YIPF4: variants seen among roughly 807,000 people sequenced by gnomAD.
YIPF4 encodes protein YIPF4.
A neutral mutation model predicts 29.4 loss-of-function variants in YIPF4; 18 were observed. The ratio of observed to expected loss-of-function variants is 0.61; its 90% CI spans 0.42 to 0.91. The LOEUF is 0.91. Among genes scored for constraint, YIPF4 ranks in the 40% least tolerant of loss-of-function variants. YIPF4 has a pLI of 0.00. For synonymous variants in YIPF4, 115 were observed against 104.7 expected, an observed-to-expected ratio of 1.10 and a Z score of -0.60; for missense variants, 279 against 282.7, an observed-to-expected ratio of 0.99 and a Z score of 0.09.
At chr2:32,283,720 TC>T (rs933939481) in intron 1 of YIPF4, among the ~76,000 whole-genome samples, 2 of 127,144 alleles carry the variant, frequency 1.6e-5, no homozygotes, top group Non-Finnish European at 3.7e-5. Flanking sequence ...TTATCTCATG[TC>T]TTTTTTTTTT....
At position 32,311,073 on chromosome 2, in the gene YIPF4, T is replaced by A. The variant is rs925311252; in HGVS notation, c.*5447T>A. 11 of 151,372 alleles carry A rather than the reference T, an allele frequency of 7.3e-5. No individual in the cohort carries two copies. The highest frequency in any genetic ancestry group is 2.7e-4 in the African/African-American group (11 of 41,146). 9.4% of individuals were successfully genotyped at this position (151,372 alleles called of 1,614,324 possible). ...TCCTACATTTTTGCACTACAATACA[T>A]AAAAACTCCCATGCTGATCGGTTGT... On this transcript the variant is annotated 3_prime_UTR_variant, in exon 6 of 6. Transcript: ENST00000238831.
Position 32,308,451 on chromosome 2 carries a change from C to A in YIPF4, c.*2825C>A, listed in dbSNP as rs1037210771. 1 of 152,164 alleles carries A rather than the reference C, an allele frequency of 6.6e-6. No individual in the cohort carries two copies. The highest frequency in any genetic ancestry group is 1.5e-5 in the Non-Finnish European group (1 of 68,182). 9.4% of individuals were successfully genotyped at this position (152,164 alleles called of 1,614,324 possible). A position where few individuals can be genotyped will look rare whatever the true frequency, so the allele number is the denominator to read the frequency against. On this transcript the variant is annotated 3_prime_UTR_variant, in exon 6 of 6. Transcript: ENST00000238831. ...AAAACAGGCTGGGCATGGTGGCTTA[C>A]GCCTGTAATCCCAGCAGTTTGGGAG...
rs1286477498 is a variant in YIPF4 at position 32,311,301 on chromosome 2, C to T, written c.*5675C>T. On this transcript the variant is annotated 3_prime_UTR_variant, in exon 6 of 6. Coordinates refer to ENST00000238831, the MANE Select transcript of YIPF4 (RefSeq NM_032312.4). ...AATGGTTAAGAGAATGTTCCCTATA[C>T]AAGGCATATGTTATTAAACATGAAA... The T allele has an allele frequency of 6.6e-6, 1 of 152,166 alleles. No individual in the cohort carries two copies. Among genetic ancestry groups the T allele is most frequent in the East Asian group, 1.9e-4 (1 of 5,198 alleles). The allele number at this position is 152,166 out of a possible 1,614,324, so 9.4% of individuals were successfully genotyped here.
intron 3 of YIPF4, among the ~76,000 whole-genome samples, chr2:32,294,166 G>A (rs910847097): frequency 2.7e-5 from 4 of 150,862 alleles, no homozygotes; most frequent in African/African-American, 9.8e-5. Context: ...CCTGGCAGGG[G>A]CTGACCCCCA....
In YIPF4 at chr2:32,309,566, G is replaced by A. The variant is rs917758523; in HGVS notation, c.*3940G>A. On this transcript the variant is annotated 3_prime_UTR_variant, in exon 6 of 6. Transcript: ENST00000238831. ...GTAACAAAATGTTGAATGAAATAAT[G>A]CTTCTACAACTTAAAATTATTTTTC... 6.6e-6 allele frequency: 1 copy of A among 151,794 alleles called. No homozygotes were observed. The allele number at this position is 151,794 out of a possible 1,614,324, so 9.4% of individuals were successfully genotyped here.
At position 32,311,884 on chromosome 2, in the gene YIPF4, G is replaced by T. The variant is rs1389682677; in HGVS notation, c.*6258G>T. The T allele has an allele frequency of 1.3e-5, 2 of 152,182 alleles. No individual in the cohort carries two copies. The highest frequency in any genetic ancestry group is 2.9e-5 in the Non-Finnish European group (2 of 68,028). The allele number at this position is 152,182 out of a possible 1,614,324, so 9.4% of individuals were successfully genotyped here. A position where few individuals can be genotyped will look rare whatever the true frequency, so the allele number is the denominator to read the frequency against. On this transcript the variant is annotated 3_prime_UTR_variant, in exon 6 of 6. Transcript: ENST00000238831. ...AAAGATAATGTAAAAGCAGATTGCT[G>T]CTATTTGCATAATAAGCACTTGTTG...
In YIPF4 at chr2:32,315,608, G is replaced by A. The variant is rs1364266861; in HGVS notation, c.*9982G>A. The A allele has an allele frequency of 2.0e-5, 3 of 152,070 alleles. No homozygotes were observed. Among genetic ancestry groups the A allele is most frequent in the African/African-American group, 7.2e-5 (3 of 41,388 alleles). 9.4% of individuals were successfully genotyped at this position (152,070 alleles called of 1,614,324 possible). A position where few individuals can be genotyped will look rare whatever the true frequency, so the allele number is the denominator to read the frequency against. ...ACTAAACATATAAAAAATTAGCCGG[G>A]CTTGGTGGCGGGCGCCTGTAGTCCC... On this transcript the variant is annotated 3_prime_UTR_variant, in exon 6 of 6. Transcript: ENST00000238831.
At chr2:32,297,118 C>A (rs181696217) in intron 3 of YIPF4, among the ~76,000 whole-genome samples, 3 of 151,426 alleles carry the variant, frequency 2.0e-5, no homozygotes, top group Non-Finnish European at 2.9e-5. Context: ...TGGAATCAAC[C>A]GTTTTTTTGT....
At chr2:32,288,992 G>T (rs1177645632) in intron 1 of YIPF4, among the ~76,000 whole-genome samples, 6 of 152,050 alleles carry the variant, frequency 3.9e-5, no homozygotes, top group African/African-American at 1.4e-4. Context: ...AACACTCTTT[G>T]TATCTATTAG....
chr2:32,297,119 G>GT (rs985029797), intron 3 of YIPF4, among the ~76,000 whole-genome samples: 3 of 150,330 alleles, frequency 2.0e-5, no homozygotes, highest in Non-Finnish European at 4.4e-5. Flanking sequence ...GGAATCAACC[G>GT]TTTTTTTGTT....
At chr2:32,304,669 G>C (rs1010093242) in intron 5 of YIPF4, among the ~76,000 whole-genome samples, 6 of 152,154 alleles carry the variant, frequency 3.9e-5, no homozygotes, top group African/African-American at 1.4e-4. Context: ...CAGCCAAGAA[G>C]TACGCAGCCT....
chr2:32,282,580 G>A lies in YIPF4; in HGVS notation c.79+4346G>A, dbSNP rs923559254. On this transcript the variant is annotated intron_variant, in intron 1 of 5. Transcript: ENST00000238831. ...CCCAAGTAGCTGGGATTACAGGCTC[G>A]CGCCACCACACCCAGCTAATGTTTT... 5.9e-5 allele frequency among the ~76,000 whole-genome samples: 9 copies of A among 151,982 alleles called. 1 individual carries two copies. The South Asian group carries it at 6.2e-4, about 11-fold the overall frequency.
Position 32,307,029 on chromosome 2 carries a change from C to G in YIPF4, c.*1403C>G. On this transcript the variant is annotated 3_prime_UTR_variant, in exon 6 of 6. Coordinates refer to ENST00000238831, the MANE Select transcript of YIPF4 (RefSeq NM_032312.4). Reference sequence around the variant, plus strand: ...GAAAGAAAGAAAAACTTATTTTAAGCTGCAGAAAAAGTGTGGAGCACTTTT... The same window carrying G: ...GAAAGAAAGAAAAACTTATTTTAAGGTGCAGAAAAAGTGTGGAGCACTTTT... 1.0e-6 allele frequency: 1 copy of G among 987,366 alleles called. No homozygotes were observed. Among genetic ancestry groups the G allele is most frequent in the South Asian group, 1.6e-5 (1 of 63,914 alleles). 61.2% of individuals were successfully genotyped at this position (987,366 alleles called of 1,614,324 possible). A position where few individuals can be genotyped will look rare whatever the true frequency, so the allele number is the denominator to read the frequency against.
At chr2:32,284,035 C>G (rs1323182206) in intron 1 of YIPF4, among the ~76,000 whole-genome samples, 5 of 152,010 alleles carry the variant, frequency 3.3e-5, no homozygotes, top group Non-Finnish European at 7.4e-5. Context: ...AATATCACTT[C>G]TTAATTTAAG....
intron 3 of YIPF4, 98 bp from the exon 4 acceptor site, chr2:32,298,136 G>A (rs2031264239): frequency 3.4e-6 from 3 of 876,078 alleles, no homozygotes; most frequent in Non-Finnish European, 5.6e-6. Flanking sequence ...CTGAAATTGG[G>A]CATGCTAAAC....
At chr2:32,280,536 G>A (rs544447464) in intron 1 of YIPF4, among the ~76,000 whole-genome samples, 1 of 149,706 alleles carries the variant, frequency 6.7e-6, no homozygotes, top group East Asian at 2.0e-4. Context: ...CCGGCACCAC[G>A]CGCGGCTAAT....
In YIPF4 at chr2:32,294,715, C is replaced by A. The variant is rs867070745; in HGVS notation, c.405+2367C>A. ...CGGCACTTTGGGAGGCCAAGGCAGG[C>A]GGCTGGGAGGTGGAGGTTGTAGCGA... is the stretch of plus-strand genomic sequence containing the variant. On this transcript the variant is annotated intron_variant, in intron 3 of 5. Transcript: ENST00000238831. Among the ~76,000 whole-genome samples the A allele has an allele frequency of 2.0e-4, 30 of 152,288 alleles. 1 individual carries two copies. In the South Asian group the frequency reaches 6.0e-3, roughly 30 times the overall value.
intron 2 of YIPF4, 86 bp from the exon 3 acceptor site, chr2:32,292,090 TA>T: frequency 2.3e-6 from 2 of 872,378 alleles, no homozygotes; most frequent in Admixed American, 3.6e-5. Flanking sequence ...ATAACTGTCT[TA>T]TTTAAAGTTT....
At chr2:32,301,302 G>C in intron 4 of YIPF4, 80 bp from the exon 5 acceptor site, 1 of 825,052 alleles carries the variant, frequency 1.2e-6, no homozygotes, top group South Asian at 1.6e-5. Flanking sequence ...AATACAGCAA[G>C]GAATATATGG....
Sources: gnomAD v4.1 joint callset for allele counts (sites outside exome capture counted in the v4.1 genomes callset) on GRCh38, gnomAD v4.1.1 for gene constraint, MANE v1.5 for transcripts, NCBI Gene and HGNC (gene_info 2026-07-23, HGNC 2026-07-21) for gene names.